The following DRICH1 variants were observed in gnomAD, a reference collection of about 807,000 sequenced individuals.
The protein encoded by DRICH1 is aspartate rich 1.
Under a neutral mutation model 39.5 loss-of-function variants are expected in DRICH1, and 38 were observed. The ratio of observed to expected loss-of-function variants is 0.96; its 90% confidence interval spans 0.74 to 1.26. DRICH1 has a LOEUF of 1.26. DRICH1 is among the 50% of genes most tolerant of loss of function. The probability of loss-of-function intolerance (pLI) is 0.00; values close to 1 mark genes in which losing one functional copy is unlikely to be tolerated. For missense variants in DRICH1, 279 were observed against 270.4 expected, an observed-to-expected ratio of 1.03 and a Z score of -0.22; for synonymous variants, 84 against 99.5, an observed-to-expected ratio of 0.84 and a Z score of 0.93.
intron 6 of DRICH1, among the ~76,000 whole-genome samples, chr22:23,618,559 G>C (rs1277770222): frequency 6.6e-6 from 1 of 152,048 alleles, no homozygotes. Context: ...TGTGATCAAG[G>C]GCTTCAGCAG....
the DRICH1 span, among the ~76,000 whole-genome samples, chr22:23,593,151 A>T: frequency 1.3e-5 from 2 of 152,196 alleles, no homozygotes; most frequent in Non-Finnish European, 2.9e-5. Context: ...ATGGACAAAG[A>T]ACTAAAGGAA....
In DRICH1 at chr22:23,627,027, C is replaced by T. The variant is rs187968961; in HGVS notation, c.209-979G>A. On this transcript the variant is annotated intron_variant, in intron 1 of 11. Transcript: ENST00000317749. ...ATCTCTCCACTTCATTAACATAAGG[C>T]TGATGGGCCATTGCACGGTGGCTGT... 1.4e-3 allele frequency among the ~76,000 whole-genome samples: 218 copies of T among 151,340 alleles called. 1 individual carries two copies. Among genetic ancestry groups the T allele is most frequent in the African/African-American group, 5.0e-3 (206 of 41,118 alleles).
rs760507960 is a variant in DRICH1 at position 23,624,877 on chromosome 22, A to C, written c.298+6T>G. 2.5e-6 allele frequency: 4 copies of C among 1,613,404 alleles called. No individual in the cohort carries two copies. The East Asian group carries it at 8.9e-5, about 36-fold the overall frequency. ...CTCAGAAAGTGAGTTAGTTCAAGGT[A>C]CGTACCCTGGACAGGTGATGGTAAA... On this transcript the variant is annotated splice_donor_region_variant and intron_variant, in intron 3 of 11. Transcript: ENST00000317749.
intron 3 of DRICH1, chr22:23,624,404 G>T: frequency 1.1e-6 from 1 of 910,880 alleles, no homozygotes; most frequent in Non-Finnish European, 1.3e-6. Context: ...CTCACCTGAT[G>T]ACATTAAACT....
At chr22:23,596,828 T>C in the DRICH1 span, among the ~76,000 whole-genome samples, 227 of 152,348 alleles carry the variant, frequency 1.5e-3, no homozygotes, top group African/African-American at 4.8e-3. Context: ...GGGAAGAATC[T>C]GTATTCTGTG....
In DRICH1 at chr22:23,632,006, G is replaced by C; in HGVS notation, c.18C>G (p.Thr6=). 6.2e-7 allele frequency: 1 copy of C among 1,613,326 alleles called. No homozygotes were observed. Among genetic ancestry groups the C allele is most frequent in the Non-Finnish European group, 8.5e-7 (1 of 1,179,996 alleles). The change falls in exon 1 of 12, where the codon ACC becomes ACG. Residue 6 remains threonine, a synonymous_variant. Coordinates refer to ENST00000317749, the MANE Select transcript of DRICH1 (RefSeq NM_016449.4). ...AGCCACAGTGGGAGTTGATACAACA[G>C]GTCAGTATATTCCCCATGGGGCCTC... is the stretch of plus-strand genomic sequence containing the variant. MGNIL[T]CCINSHCGWP...
intron 6 of DRICH1, 140 bp from the exon 7 acceptor site, chr22:23,617,797 G>T (rs1438408817): frequency 2.2e-5 from 17 of 783,840 alleles, no homozygotes; most frequent in Non-Finnish European, 1.5e-5. Context: ...GATGGCAGAG[G>T]AGGGGAGCAG....
chr22:23,598,579 G>T, the DRICH1 span, among the ~76,000 whole-genome samples: 1 of 152,170 alleles, frequency 6.6e-6, no homozygotes, highest in African/African-American at 2.4e-5. Flanking sequence ...CCACTTGGAA[G>T]AACACGCTCT....
the DRICH1 span, chr22:23,583,343 T>G: frequency 6.6e-6 from 1 of 152,242 alleles, no homozygotes. Flanking sequence ...CCCGGGTGTG[T>G]CCCTGGGGGC....
rs1442232387 is a variant in DRICH1, at chr22:23,616,850, T to C, written c.541+3A>G. ...AGAAAGTGAGTTAGTTCAAGGTACA[T>C]ACCCTGGACAGGTGACGGTAAAATC... On this transcript the variant is annotated splice_donor_region_variant and intron_variant, in intron 8 of 11. Transcript: ENST00000317749. The C allele has an allele frequency of 9.9e-6, 16 of 1,613,960 alleles. No homozygotes were observed. The highest frequency in any genetic ancestry group is 1.3e-5 in the Non-Finnish European group (15 of 1,179,910).
intron 1 of DRICH1, among the ~76,000 whole-genome samples, chr22:23,629,241 G>C (rs768007960): frequency 2.6e-5 from 4 of 152,166 alleles, no homozygotes; most frequent in Non-Finnish European, 5.9e-5. Flanking sequence ...GTTTCGCCAG[G>C]TTGGCCAGGC....
Position 23,619,390 on chromosome 22 carries a change from C to T in DRICH1, c.410G>A (p.Gly137Asp), listed in dbSNP as rs1927573380. Residue 137 changes from glycine (G) to aspartate (D), a missense_variant, in exon 6 of 12, where the codon GGC (glycine) becomes GAC (aspartate). Gly to Asp is a moderately conservative substitution (Grantham distance 94). Transcript: ENST00000317749. ...AGAACTGCTATCAAACCGGTAACAG[C>T]CACCTGCGGAGAAATGGAAAAGTTA... Reference protein sequence around the residue: ...AQILPSRVQGGCYRFDSSSCS... With the variant: ...AQILPSRVQGDCYRFDSSSCS... 1.3e-6 allele frequency: 1 copy of T among 780,610 alleles called. No individual in the cohort carries two copies. Among genetic ancestry groups the T allele is most frequent in the East Asian group, 2.4e-5 (1 of 41,216 alleles). 48.4% of individuals were successfully genotyped at this position (780,610 alleles called of 1,614,324 possible). A position where few individuals can be genotyped will look rare whatever the true frequency, so the allele number is the denominator to read the frequency against.
Position 23,632,002 on chromosome 22 carries a change from A to G in DRICH1, c.22T>C (p.Cys8Arg), listed in dbSNP as rs766116889. Residue 8 changes from cysteine (C) to arginine (R), a missense_variant, in exon 1 of 12, where the codon TGT becomes CGT. Cys to Arg is a radical substitution (Grantham distance 180). Coordinates refer to ENST00000317749, the MANE Select transcript of DRICH1 (RefSeq NM_016449.4). MGNILTCCINSHCGWPRG... is the reference protein window; with the variant it reads MGNILTCRINSHCGWPRG... The stretch of plus-strand genomic sequence containing the variant: ...GGCCAGCCACAGTGGGAGTTGATAC[A>G]ACAGGTCAGTATATTCCCCATGGGG... 3.7e-6 allele frequency: 6 copies of G among 1,613,302 alleles called. No homozygotes were observed. The highest frequency in any genetic ancestry group is 4.2e-6 in the Non-Finnish European group (5 of 1,180,014).
the DRICH1 span, among the ~76,000 whole-genome samples, chr22:23,596,718 A>G: frequency 6.6e-6 from 1 of 152,150 alleles, no homozygotes; most frequent in Non-Finnish European, 1.5e-5. Flanking sequence ...CCTTCATTCT[A>G]TTGCAGAGAA....
downstream of DRICH1, chr22:23,607,195 GAGAAC>G (rs1926778229): frequency 6.6e-6 from 1 of 152,664 alleles, no homozygotes; most frequent in Admixed American, 6.5e-5. Flanking sequence ...TGAGGAAGGC[GAGAAC>G]AGGAGAAGCA....
At chr22:23,589,993 C>T in the DRICH1 span, among the ~76,000 whole-genome samples, 188 of 152,292 alleles carry the variant, frequency 1.2e-3, 1 homozygote, top group African/African-American at 4.1e-3. Context: ...GCTCGATCCC[C>T]GGATGTCTAT....
Position 23,608,578 on chromosome 22 carries a change from G to T in DRICH1, c.*186C>A. ...GCCCAGAAGCACTGGGTCCTGGATG[G>T]TACAGGCCAAACCTAGTGCTGGCGG... On this transcript the variant is annotated 3_prime_UTR_variant, in exon 12 of 12. Transcript: ENST00000317749. 1.6e-6 allele frequency: 1 copy of T among 637,996 alleles called. No homozygotes were observed. The highest frequency in any genetic ancestry group is 2.8e-6 in the Non-Finnish European group (1 of 355,772). The allele number at this position is 637,996 out of a possible 1,614,324, so 39.5% of individuals were successfully genotyped here.
chr22:23,592,392 T>TG, the DRICH1 span, among the ~76,000 whole-genome samples: 1,268 of 150,728 alleles, frequency 8.4e-3, 12 homozygotes, highest in South Asian at 0.039. Context: ...GGAGCAAGAC[T>TG]GGGGGGGGGC....
chr22:23,620,949 C>T (rs1160826655), intron 4 of DRICH1, among the ~76,000 whole-genome samples: 2 of 152,250 alleles, frequency 1.3e-5, no homozygotes, highest in East Asian at 1.9e-4. Context: ...TAAAAACATC[C>T]TAGTGTGTCA....
Sources: gnomAD v4.1 joint callset for allele counts (sites outside exome capture counted in the v4.1 genomes callset) on GRCh38, gnomAD v4.1.1 for gene constraint, MANE v1.5 for transcripts, NCBI Gene and HGNC (gene_info 2026-07-23, HGNC 2026-07-21) for gene names.